The following STIMATE variants were observed in gnomAD, a reference collection of about 807,000 sequenced individuals.
STIMATE encodes store-operated calcium entry regulator STIMATE.
A neutral mutation model predicts 36.7 loss-of-function variants in STIMATE; 15 were observed. That is an observed-to-expected ratio of 0.41 (90% CI 0.27 to 0.63). The LOEUF (loss-of-function observed/expected upper bound fraction) is 0.63, where lower values mean the gene tolerates loss of function less well. Ranked by LOEUF, STIMATE falls within the 20% of genes least tolerant of loss-of-function variation. STIMATE has a pLI of 0.32. For synonymous variants in STIMATE, 163 were observed against 162.3 expected (o/e 1.00, Z -0.03); for missense variants, 305 against 397.3 (o/e 0.77, Z 1.98).
chr3:52,846,819 C>T (rs1486629291), intron 4 of STIMATE, among the ~76,000 whole-genome samples: 1 of 152,228 alleles, frequency 6.6e-6, no homozygotes, highest in Non-Finnish European at 1.5e-5. Flanking sequence ...TCCTGTTTCA[C>T]TTGCGAGTCT....
At chr3:52,850,465 T>C (rs1206421796) in intron 3 of STIMATE, among the ~76,000 whole-genome samples, 1 of 105,474 alleles carries the variant, frequency 9.5e-6, no homozygotes, top group Non-Finnish European at 2.2e-5. Flanking sequence ...CTGCCAGTGC[T>C]TCTGCCAGGC....
At position 52,838,795 on chromosome 3, in the gene STIMATE, G is replaced by T; in HGVS notation, c.*1699C>A. The T allele has an allele frequency of 2.1e-5, 1 of 46,810 alleles. No individual in the cohort carries two copies. The allele number at this position is 46,810 out of a possible 1,614,324, so 2.9% of individuals were successfully genotyped here. On this transcript the variant is annotated 3_prime_UTR_variant, in exon 8 of 8. Transcript: ENST00000355083. ...TCCCAGGGTACCTGGTTTAACAGCT[G>T]GGTTCATGCGCCCAATTCGGACCCA...
intron 1 of STIMATE, chr3:52,895,861 T>A: frequency 7.8e-7 from 1 of 1,283,290 alleles, no homozygotes; most frequent in Non-Finnish European, 1.0e-6. Flanking sequence ...GTAGGAGGGG[T>A]ATGAAGATCC....
Position 52,849,889 on chromosome 3 carries a change from G to A in STIMATE, c.330C>T (p.Asp110=), listed in dbSNP as rs149845904. 42 of 1,613,662 alleles carry A rather than the reference G, an allele frequency of 2.6e-5. No homozygotes were observed. The highest frequency in any genetic ancestry group is 4.4e-5 in the South Asian group (4 of 91,082). Residue 110 remains aspartate, a synonymous_variant, in exon 4 of 8, where the codon GAC becomes GAT. Coordinates refer to ENST00000355083, the MANE Select transcript of STIMATE (RefSeq NM_198563.5). The stretch of plus-strand genomic sequence containing the variant: ...AGATGAGCAGCATGCCCACAGTGGC[G>A]TCCAGGAGGAAGTTGATGAGGTACC... The part of the protein sequence containing the change: ...CSLYLINFLL[D]ATVGMLLIYV...
At chr3:52,875,433 C>T (rs1701486185) in intron 1 of STIMATE, among the ~76,000 whole-genome samples, 1 of 152,172 alleles carries the variant, frequency 6.6e-6, no homozygotes, top group African/African-American at 2.4e-5. Flanking sequence ...CTCTCTGCCT[C>T]CTAGTCAGAG....
intron 1 of STIMATE, among the ~76,000 whole-genome samples, chr3:52,886,405 G>C (rs1377421550): frequency 6.6e-6 from 1 of 152,180 alleles, no homozygotes; most frequent in Non-Finnish European, 1.5e-5. Flanking sequence ...CCTTAGACAG[G>C]GGCCTTAACC....
chr3:52,895,404 A>C (rs1157010347), intron 1 of STIMATE, among the ~76,000 whole-genome samples: 1 of 152,024 alleles, frequency 6.6e-6, no homozygotes, highest in Non-Finnish European at 1.5e-5. Context: ...TAGCCTTTCC[A>C]GCTCTTCTCC....
chr3:52,885,445 T>G (rs1701674237), intron 1 of STIMATE, among the ~76,000 whole-genome samples: 2 of 152,324 alleles, frequency 1.3e-5, no homozygotes, highest in South Asian at 4.1e-4. Context: ...AACCTAATAT[T>G]AAGGCATGAT....
chr3:52,870,034 A>G (rs1018392468), intron 1 of STIMATE, among the ~76,000 whole-genome samples: 5 of 152,198 alleles, frequency 3.3e-5, no homozygotes, highest in African/African-American at 1.2e-4. Context: ...TGCTGGAGGA[A>G]GAGTAAATCT....
chr3:52,862,016 C>A (rs13072537), intron 1 of STIMATE, among the ~76,000 whole-genome samples: 58,294 of 151,952 alleles, frequency 0.38, 11,477 homozygotes, highest in Admixed American at 0.5. Context: ...GCCAGCCTCT[C>A]CCTCCAGCCC....
In STIMATE at chr3:52,897,509, G is replaced by A. The variant is rs897231343; in HGVS notation, c.-59C>T. On this transcript the variant is annotated 5_prime_UTR_variant, in exon 1 of 8. Coordinates refer to ENST00000355083, the MANE Select transcript of STIMATE (RefSeq NM_198563.5). The stretch of plus-strand genomic sequence containing the variant: ...GGCCCGCCCGGCCTCGCTGCCTGCC[G>A]GCGCAGCGCCGCCAAACCCGCAGCC... The A allele has an allele frequency of 4.2e-6, 5 of 1,192,460 alleles. No individual in the cohort carries two copies. The highest frequency in any genetic ancestry group is 4.2e-6 in the Non-Finnish European group (4 of 963,700). The allele number at this position is 1,192,460 out of a possible 1,614,324, so 73.9% of individuals were successfully genotyped here. A position where few individuals can be genotyped will look rare whatever the true frequency, so the allele number is the denominator to read the frequency against.
chr3:52,840,513 C>A lies in STIMATE; in HGVS notation c.866G>T (p.Arg289Leu). 1 of 1,614,084 alleles carries A rather than the reference C, an allele frequency of 6.2e-7. No homozygotes were observed. Among genetic ancestry groups the A allele is most frequent in the Non-Finnish European group, 8.5e-7 (1 of 1,179,982 alleles). The change falls in exon 8 of 8, where the codon CGC (arginine) becomes CTC (leucine). Residue 289 changes from arginine to leucine, a missense_variant. By Grantham distance (102) the Arg-to-Leu change is moderately radical. Transcript: ENST00000355083. ...AATGTGTCATACGGGTAGCCCAAAG[C>A]GGTGCTTCTTTTTCTTCACAGGCTT... ...PLKPVKKKKH[R>L]FGLPV
chr3:52,873,708 AC>A (rs575537210), intron 1 of STIMATE, among the ~76,000 whole-genome samples: 82 of 152,254 alleles, frequency 5.4e-4, no homozygotes, highest in African/African-American at 1.8e-3. Context: ...GGCGCTGGGG[AC>A]CTGTAAGTAC....
intron 6 of STIMATE, 120 bp from the exon 7 acceptor site, chr3:52,843,080 A>G: frequency 6.7e-7 from 1 of 1,482,878 alleles, no homozygotes. Flanking sequence ...GGAAAGAAAA[A>G]CCCAATCCAA....
intron 1 of STIMATE, among the ~76,000 whole-genome samples, chr3:52,879,286 G>A (rs966945129): frequency 2.0e-5 from 3 of 152,152 alleles, no homozygotes; most frequent in Non-Finnish European, 2.9e-5. Context: ...CAGAGACAGG[G>A]CAGCAGACAG....
chr3:52,884,664 G>A (rs1701663867), intron 1 of STIMATE, among the ~76,000 whole-genome samples: 1 of 152,234 alleles, frequency 6.6e-6, no homozygotes, highest in Non-Finnish European at 1.5e-5. Flanking sequence ...GAGTCATTCA[G>A]TATGTATTCC....
At chr3:52,884,076 T>A (rs1160473400) in intron 1 of STIMATE, among the ~76,000 whole-genome samples, 1 of 152,182 alleles carries the variant, frequency 6.6e-6, no homozygotes, top group East Asian at 1.9e-4. Context: ...TAGAGCAGCT[T>A]GATCATTTCA....
chr3:52,893,046 G>GA (rs34833389), intron 1 of STIMATE, among the ~76,000 whole-genome samples: 19,096 of 134,308 alleles, frequency 0.14, 1,279 homozygotes, highest in African/African-American at 0.18. Flanking sequence ...CAGAAACATT[G>GA]AAAAAAAAAA....
At chr3:52,846,776 G>T (rs1700913784) in intron 4 of STIMATE, among the ~76,000 whole-genome samples, 1 of 152,212 alleles carries the variant, frequency 6.6e-6, no homozygotes, top group African/African-American at 2.4e-5. Context: ...GCCACCGTTG[G>T]GAGAAGCACA....
Sources: gnomAD v4.1 joint callset for allele counts (sites outside exome capture counted in the v4.1 genomes callset) on GRCh38, gnomAD v4.1.1 for gene constraint, MANE v1.5 for transcripts, NCBI Gene and HGNC (gene_info 2026-07-23, HGNC 2026-07-21) for gene names.